The following DTD2 variants were observed in gnomAD, a reference collection of about 807,000 sequenced individuals.
DTD2 encodes the protein D-aminoacyl-tRNA deacylase 2, also known as D-tyrosyl-tRNA deacylase 2 (putative).
Under a neutral mutation model 15.5 loss-of-function variants are expected in DTD2, and 12 were observed. The ratio of observed to expected loss-of-function variants is 0.77; its 90% CI spans 0.50 to 1.25. DTD2 has a LOEUF of 1.25. Ranked by LOEUF, DTD2 falls within the 50% of genes most tolerant of loss-of-function variation. DTD2 has a pLI of 0.00. For synonymous variants in DTD2, 59 were observed against 77.3 expected (o/e 0.76, Z 1.24); for missense variants, 170 against 201.1 (o/e 0.85, Z 0.93).
At chr14:31,455,622 C>T (rs2032086642) in intron 1 of DTD2, among the ~76,000 whole-genome samples, 1 of 150,146 alleles carries the variant, frequency 6.7e-6, no homozygotes, top group Admixed American at 6.6e-5. Flanking sequence ...CACTCTGTGG[C>T]TCAGGCTGGA....
chr14:31,449,158 G>A (rs11845830), intron 2 of DTD2, among the ~76,000 whole-genome samples: 73,456 of 152,164 alleles, frequency 0.48, 17,797 homozygotes, highest in Non-Finnish European at 0.52. Flanking sequence ...CTCCCAAAGC[G>A]TTGGGATTAC....
chr14:31,453,253 AG>A (rs768579208), intron 2 of DTD2, 21 bp downstream of exon 2: 1 of 1,613,086 alleles, frequency 6.2e-7, no homozygotes, highest in South Asian at 1.1e-5. Context: ...CTCTTAAAAA[AG>A]AAACAAAGTC....
chr14:31,449,236 A>G (rs1451042536), intron 2 of DTD2, among the ~76,000 whole-genome samples: 1 of 152,224 alleles, frequency 6.6e-6, no homozygotes, highest in Non-Finnish European at 1.5e-5. Context: ...ATTTTAGCGC[A>G]GTTATTATTT....
At chr14:31,454,535 C>T (rs1033065271) in intron 1 of DTD2, among the ~76,000 whole-genome samples, 5 of 152,286 alleles carry the variant, frequency 3.3e-5, no homozygotes, top group African/African-American at 1.2e-4. Context: ...TAGGTATTTG[C>T]ACTACTGTCA....
intron 2 of DTD2, among the ~76,000 whole-genome samples, chr14:31,450,447 C>T (rs1017129944): frequency 8.5e-5 from 13 of 152,190 alleles, no homozygotes; most frequent in Admixed American, 3.9e-4. Context: ...GAAGATTCTA[C>T]ACATCTCTAT....
intron 1 of DTD2, among the ~76,000 whole-genome samples, chr14:31,454,690 G>A (rs1056097457): frequency 6.6e-6 from 1 of 152,144 alleles, no homozygotes; most frequent in African/African-American, 2.4e-5. Flanking sequence ...CCTCATTAAG[G>A]TCTTTGCCTT....
intron 2 of DTD2, among the ~76,000 whole-genome samples, chr14:31,451,564 CT>C (rs909806601): frequency 3.3e-5 from 5 of 152,082 alleles, no homozygotes; most frequent in Non-Finnish European, 7.4e-5. Context: ...CAGTTACTGG[CT>C]TTCCATTCTC....
chr14:31,449,564 T>A (rs2032005544), intron 2 of DTD2, among the ~76,000 whole-genome samples: 1 of 152,194 alleles, frequency 6.6e-6, no homozygotes, highest in Non-Finnish European at 1.5e-5. Flanking sequence ...CCACCATAAA[T>A]ATCCATATAT....
intron 1 of DTD2, among the ~76,000 whole-genome samples, chr14:31,455,348 G>A (rs192068035): frequency 6.6e-6 from 1 of 151,890 alleles, no homozygotes; most frequent in African/African-American, 2.4e-5. Flanking sequence ...TCAGGAGATC[G>A]AGACCATCCT....
intron 1 of DTD2, 131 bp from the exon 2 acceptor site, chr14:31,453,475 A>G (rs1196146853): frequency 1.1e-5 from 8 of 706,716 alleles, no homozygotes; most frequent in Middle Eastern, 2.6e-4. Context: ...GAACTTTACA[A>G]AAGATTTCTC....
rs144774232 is a variant in DTD2 at position 31,449,903 on chromosome 14, C to T, written c.182-1449G>A. Among the ~76,000 whole-genome samples the T allele has an allele frequency of 5.3e-5, 8 of 152,314 alleles. No homozygotes were observed. The East Asian group carries it at 1.3e-3, about 26-fold the overall frequency. ...ATGGAATTAATCTGGTAAAAACCTGCCAAGGCGAACACCCAAATGAATTCC... is the reference window on the plus strand; with the variant it reads ...ATGGAATTAATCTGGTAAAAACCTGTCAAGGCGAACACCCAAATGAATTCC... On this transcript the variant is annotated intron_variant, in intron 2 of 2. Transcript: ENST00000310850.
intron 1 of DTD2, among the ~76,000 whole-genome samples, chr14:31,455,159 A>C (rs2139364029): frequency 6.6e-6 from 1 of 152,330 alleles, no homozygotes. Context: ...ATTTTGCATA[A>C]GGAGATGTAG....
At chr14:31,451,610 T>C (rs2139361792) in intron 2 of DTD2, among the ~76,000 whole-genome samples, 2 of 152,364 alleles carry the variant, frequency 1.3e-5, no homozygotes, top group South Asian at 4.1e-4. Flanking sequence ...GTTTTCATCT[T>C]TTGACAAAGT....
At chr14:31,449,604 A>G (rs558680346) in intron 2 of DTD2, among the ~76,000 whole-genome samples, 24 of 152,376 alleles carry the variant, frequency 1.6e-4, no homozygotes, top group African/African-American at 5.0e-4. Flanking sequence ...GAAAGCCTTT[A>G]TACCTCAACA....
Position 31,448,444 on chromosome 14 carries a change from C to T in DTD2, c.192G>A (p.Leu64=). ...CTGTCTCACTTAATTTCACATTTAA[C>T]AGTGTATTAACTGGGTGAGGAAGAA... is the stretch of plus-strand genomic sequence containing the variant. ...KELLPKMVNT[L]LNVKLSETEN... The change falls in exon 3 of 3, where the codon CTG becomes CTA. Residue 64 remains leucine (L), a synonymous_variant. Transcript: ENST00000310850. 1 of 1,611,314 alleles carries T rather than the reference C, an allele frequency of 6.2e-7. No individual in the cohort carries two copies. The highest frequency in any genetic ancestry group is 8.5e-7 in the Non-Finnish European group (1 of 1,178,772).
At chr14:31,456,284 G>A (rs1235306482) in intron 1 of DTD2, among the ~76,000 whole-genome samples, 1 of 152,176 alleles carries the variant, frequency 6.6e-6, no homozygotes, top group East Asian at 1.9e-4. Context: ...TACTCGGGAG[G>A]CTGAGGAAGG....
chr14:31,457,355 G>C lies in DTD2; in HGVS notation c.39C>G (p.Leu13=). The change falls in exon 1 of 3, where the codon CTC becomes CTG. Residue 13 remains leucine (L), a synonymous_variant. Transcript: ENST00000310850. ...GCCGGGCGTGCAGGCACTGCTGTAG[G>C]AGCGCCCGGGCCTGAGGAATCCGGC... ...EGSRIPQARA[L]LQQCLHARLQ... The C allele has an allele frequency of 1.3e-6, 2 of 1,588,394 alleles. No homozygotes were observed. The highest frequency in any genetic ancestry group is 1.7e-6 in the Non-Finnish European group (2 of 1,169,008).
chr14:31,451,446 CCTCT>C (rs71430960), intron 2 of DTD2, among the ~76,000 whole-genome samples: 4 of 150,500 alleles, frequency 2.7e-5, no homozygotes, highest in Middle Eastern at 3.4e-3. Flanking sequence ...CCGCGCCTGG[CCTCT>C]CTCTCTCTCT....
intron 1 of DTD2, among the ~76,000 whole-genome samples, chr14:31,454,347 C>T (rs2032071993): frequency 6.6e-6 from 1 of 152,322 alleles, no homozygotes; most frequent in South Asian, 2.1e-4. Context: ...TAACATTCAA[C>T]TATATGTTCC....
Sources: gnomAD v4.1 joint callset for allele counts (sites outside exome capture counted in the v4.1 genomes callset) on GRCh38, gnomAD v4.1.1 for gene constraint, MANE v1.5 for transcripts, NCBI Gene and HGNC (gene_info 2026-07-23, HGNC 2026-07-21) for gene names.